PUM1: variants seen among roughly 807,000 people sequenced by gnomAD.
PUM1 encodes pumilio RNA binding family member 1.
A neutral mutation model predicts 131.8 loss-of-function variants in PUM1; 13 were observed. The observed-to-expected ratio is 0.10, with a 90% CI of 0.06 to 0.16. PUM1 has a LOEUF of 0.16. PUM1 is among the 10% of genes least tolerant of loss of function. The pLI, the probability that PUM1 is intolerant of heterozygous loss-of-function variation, is 1.00. For synonymous variants in PUM1, 509 were observed against 556.5 expected (o/e 0.91, Z 1.20); for missense variants, 961 against 1,512.4 (o/e 0.64, Z 6.05).
At chr1:31,000,659 A>G (rs1173958985) in intron 5 of PUM1, among the ~76,000 whole-genome samples, 1 of 152,200 alleles carries the variant, frequency 6.6e-6, no homozygotes, top group Admixed American at 6.5e-5. Flanking sequence ...AAAGCTTCAC[A>G]CAGCAGAAGT....
At chr1:31,029,013 T>C (rs1643319449) in intron 2 of PUM1, 149 bp from the exon 3 acceptor site, 1 of 661,698 alleles carries the variant, frequency 1.5e-6, no homozygotes. Flanking sequence ...AGATTAAACA[T>C]TCACTTACCT....
intron 2 of PUM1, among the ~76,000 whole-genome samples, chr1:31,043,597 G>T (rs1211925814): frequency 6.6e-6 from 1 of 152,014 alleles, no homozygotes; most frequent in Non-Finnish European, 1.5e-5. Context: ...AATTCTTAGG[G>T]AACTTGCTTT....
intron 2 of PUM1, among the ~76,000 whole-genome samples, chr1:31,056,675 G>A (rs1326870043): frequency 8.5e-6 from 1 of 118,192 alleles, no homozygotes; most frequent in African/African-American, 3.2e-5. Context: ...TGCCCAGGCT[G>A]AAGTGCAGTG....
intron 5 of PUM1, among the ~76,000 whole-genome samples, chr1:31,003,186 C>A (rs1414336582): frequency 6.6e-6 from 1 of 152,144 alleles, no homozygotes; most frequent in Non-Finnish European, 1.5e-5. Context: ...GATGCCCTGA[C>A]CCCATACACT....
At chr1:31,054,746 TAGG>T (rs1644199199) in intron 2 of PUM1, among the ~76,000 whole-genome samples, 1 of 152,202 alleles carries the variant, frequency 6.6e-6, no homozygotes. Context: ...CCTGCAATTA[TAGG>T]AGAATGGTCA....
intron 7 of PUM1, among the ~76,000 whole-genome samples, chr1:30,982,856 T>C (rs1173179228): frequency 2.6e-5 from 4 of 152,236 alleles, no homozygotes; most frequent in Admixed American, 6.5e-5. Context: ...AACTCTTTAG[T>C]CTTAGTCTCT....
chr1:30,985,759 C>T (rs759790827), intron 7 of PUM1, among the ~76,000 whole-genome samples: 2 of 151,742 alleles, frequency 1.3e-5, no homozygotes, highest in East Asian at 3.9e-4. Context: ...TTTGTTTTTA[C>T]GGATGAGTAC....
intron 10 of PUM1, among the ~76,000 whole-genome samples, chr1:30,970,985 G>A (rs1387159952): frequency 2.6e-5 from 4 of 152,126 alleles, no homozygotes; most frequent in Admixed American, 2.6e-4. Flanking sequence ...TTAGCTTTTT[G>A]TCCACTCTCT....
At chr1:31,015,877 T>C (rs1642799291) in intron 3 of PUM1, among the ~76,000 whole-genome samples, 1 of 151,832 alleles carries the variant, frequency 6.6e-6, no homozygotes. Context: ...TTCTCCATGT[T>C]GGTCAGGCTG....
chr1:30,945,219 G>T (rs2124398043), intron 18 of PUM1, 127 bp downstream of exon 18: 2 of 1,076,014 alleles, frequency 1.9e-6, no homozygotes, highest in South Asian at 1.5e-5. Context: ...GGGCAACAGA[G>T]TGGGATCCAG....
chr1:31,043,960 A>C (rs946349754), intron 2 of PUM1, among the ~76,000 whole-genome samples: 18 of 152,206 alleles, frequency 1.2e-4, no homozygotes, highest in Non-Finnish European at 2.5e-4. Flanking sequence ...AAACCTGAGA[A>C]ATGAAAGCAT....
intron 13 of PUM1, among the ~76,000 whole-genome samples, chr1:30,965,189 A>G (rs1640570468): frequency 6.6e-6 from 1 of 152,184 alleles, no homozygotes. Context: ...GGCCACATGA[A>G]CTATGGAAAA....
intron 7 of PUM1, 93 bp from the exon 8 acceptor site, chr1:30,981,498 G>T: frequency 1.5e-6 from 1 of 654,588 alleles, no homozygotes; most frequent in Non-Finnish European, 2.7e-6. Flanking sequence ...ATAAGCACTT[G>T]TTTAGGCGTG....
intron 17 of PUM1, 94 bp downstream of exon 17, chr1:30,950,033 A>C: frequency 7.0e-7 from 1 of 1,426,904 alleles, no homozygotes; most frequent in Non-Finnish European, 9.4e-7. Context: ...CAAAACCATA[A>C]AAGAAAACTG....
In PUM1 at chr1:30,992,584, A is replaced by G. The variant is rs1433492170; in HGVS notation, c.964T>C (p.Leu322=). ...CCATTGGTGCTGGTCAGCTGGGCTA[A>G]GCCCTCAGAACCATTCTGGTTTGGA... ...LGPNQNGSEG[L]AQLTSTNGAK... The change falls in exon 7 of 22, where the codon TTA becomes CTA. Residue 322 remains leucine, a synonymous_variant. Transcript: ENST00000426105. 1.2e-6 allele frequency: 2 copies of G among 1,614,252 alleles called. No homozygotes were observed. Among genetic ancestry groups the G allele is most frequent in the South Asian group, 1.1e-5 (1 of 91,090 alleles).
chr1:31,047,085 G>A (rs1426536628), intron 2 of PUM1, among the ~76,000 whole-genome samples: 2 of 152,110 alleles, frequency 1.3e-5, no homozygotes, highest in African/African-American at 4.8e-5. Flanking sequence ...CAGCTACTCA[G>A]GAGGCTGTGG....
intron 2 of PUM1, among the ~76,000 whole-genome samples, chr1:31,039,157 T>C (rs1459263619): frequency 6.8e-6 from 1 of 147,508 alleles, no homozygotes; most frequent in Non-Finnish European, 1.5e-5. Flanking sequence ...TCACCATGCC[T>C]GGCTGACTTT....
intron 5 of PUM1, among the ~76,000 whole-genome samples, chr1:30,998,074 G>T (rs555576336): frequency 3.3e-5 from 5 of 152,324 alleles, no homozygotes; most frequent in African/African-American, 9.6e-5. Flanking sequence ...CCTTCTTTTA[G>T]AGAGTGGGGA....
chr1:31,047,137 C>T (rs752261574), intron 2 of PUM1, among the ~76,000 whole-genome samples: 6 of 152,066 alleles, frequency 3.9e-5, no homozygotes, highest in Non-Finnish European at 7.4e-5. Flanking sequence ...TGTGGTAAGC[C>T]GAGATTGCAC....
Sources: gnomAD v4.1 joint callset for allele counts (sites outside exome capture counted in the v4.1 genomes callset) on GRCh38, gnomAD v4.1.1 for gene constraint, MANE v1.5 for transcripts, NCBI Gene and HGNC (gene_info 2026-07-23, HGNC 2026-07-21) for gene names.